The following ZC3HC1 variants were observed in gnomAD, a reference collection of about 807,000 sequenced individuals.
ZC3HC1 encodes the protein zinc finger C3HC-type protein 1.
In ZC3HC1, 38 loss-of-function variants were observed where a neutral mutation model predicts 61.9. That is an observed-to-expected ratio of 0.61 (90% CI 0.47 to 0.81). The LOEUF is 0.81. Ranked by LOEUF, ZC3HC1 falls within the 30% of genes least tolerant of loss-of-function variation. The pLI is 0.00. For missense variants in ZC3HC1, 554 were observed against 622.7 expected (o/e 0.89, Z 1.17); for synonymous variants, 213 against 229.9 (o/e 0.93, Z 0.67).
At position 130,018,691 on chromosome 7, in the gene ZC3HC1, C is replaced by A; in HGVS notation, c.1482G>T (p.Arg494=). The A allele has an allele frequency of 6.2e-7, 1 of 1,612,534 alleles. No homozygotes were observed. The highest frequency in any genetic ancestry group is 8.5e-7 in the Non-Finnish European group (1 of 1,178,774). The change falls in exon 10 of 10, where the codon CGG becomes CGT. Residue 494 remains arginine, a synonymous_variant. Transcript: ENST00000358303. ...AGCATGAGCACAGAGATTCCCACTG[C>A]CGAAATATTCGGAATACTTTCCTTG... ...EKSRKVFRIF[R]QWESLCSC
intron 4 of ZC3HC1, among the ~76,000 whole-genome samples, chr7:130,031,383 G>A (rs933232184): frequency 6.6e-6 from 1 of 150,498 alleles, no homozygotes; most frequent in Non-Finnish European, 1.5e-5. Flanking sequence ...AAAACCAGTA[G>A]CTTAGCAGTC....
intron 2 of ZC3HC1, among the ~76,000 whole-genome samples, chr7:130,044,848 T>C (rs556062916): frequency 6.6e-6 from 1 of 152,318 alleles, no homozygotes; most frequent in South Asian, 2.1e-4. Flanking sequence ...CACTCCTGCA[T>C]AACCTGAATC....
At chr7:130,029,766 A>T (rs1470348404) in intron 4 of ZC3HC1, among the ~76,000 whole-genome samples, 1 of 152,220 alleles carries the variant, frequency 6.6e-6, no homozygotes, top group South Asian at 2.1e-4. Flanking sequence ...GAACAGAGTT[A>T]GTGGAGATGG....
chr7:130,024,219 A>T (rs779198866), intron 7 of ZC3HC1, 44 bp downstream of exon 7: 3 of 1,543,746 alleles, frequency 1.9e-6, no homozygotes, highest in Non-Finnish European at 1.7e-6. Flanking sequence ...ACTTTTGCCA[A>T]GAATGTTGTT....
chr7:130,024,461 T>C lies in ZC3HC1; in HGVS notation c.822A>G (p.Gln274=), dbSNP rs753453058. Residue 274 remains glutamine, a synonymous_variant, in exon 7 of 10, where the codon CAA becomes CAG. Transcript: ENST00000358303. ...SMQLSLITCS[Q]CMRKVGLWGF... ...CCCAGAGCCCCACCTTCCTCATACA[T>C]TGCGAACATGTTATCAGGGAGAGCT... is the stretch of plus-strand genomic sequence containing the variant. 3.7e-6 allele frequency: 6 copies of C among 1,613,968 alleles called. No homozygotes were observed. Among genetic ancestry groups the C allele is most frequent in the East Asian group, 2.2e-5 (1 of 44,872 alleles).
At chr7:130,025,403 C>T (rs1793853826) in intron 6 of ZC3HC1, among the ~76,000 whole-genome samples, 1 of 151,498 alleles carries the variant, frequency 6.6e-6, no homozygotes, top group Non-Finnish European at 1.5e-5. Flanking sequence ...GAAATAGCAA[C>T]ATGGGGGCCT....
chr7:130,030,199 T>C (rs1794113114), intron 4 of ZC3HC1, among the ~76,000 whole-genome samples: 3 of 150,572 alleles, frequency 2.0e-5, no homozygotes, highest in Middle Eastern at 3.4e-3. Context: ...ATCAGCCTTT[T>C]TTTTTTTTTT....
intron 5 of ZC3HC1, 93 bp downstream of exon 5, chr7:130,028,809 G>T: frequency 6.7e-7 from 1 of 1,501,402 alleles, no homozygotes; most frequent in Non-Finnish European, 9.0e-7. Context: ...TCTCTTCACA[G>T]CAATTGCATC....
chr7:130,045,218 T>C, intron 2 of ZC3HC1: 1 of 181,246 alleles, frequency 5.5e-6, no homozygotes, highest in South Asian at 1.1e-4. Flanking sequence ...GGTGGCTTAC[T>C]TTCAAATAGC....
intron 5 of ZC3HC1, chr7:130,026,547 C>A: frequency 2.5e-6 from 1 of 397,222 alleles, no homozygotes; most frequent in Non-Finnish European, 4.5e-6. Context: ...CCTGGAACTG[C>A]CAAAACTCTT....
In ZC3HC1 at chr7:130,049,105, T is replaced by A. The variant is rs758210868; in HGVS notation, c.186A>T (p.Ser62=). The A allele has an allele frequency of 7.5e-6, 12 of 1,608,978 alleles. No homozygotes were observed. Among genetic ancestry groups the A allele is most frequent in the African/African-American group, 1.3e-5 (1 of 74,770 alleles). The change falls in exon 2 of 10, where the codon TCA becomes TCT. Residue 62 remains serine (S), a synonymous_variant. Transcript: ENST00000358303. Reference sequence around the variant, plus strand: ...CCAATGAAGGTTGTTCCGCTTGGGGTGATCCATTAACTGACTGGGATGTGG... The same window carrying A: ...CCAATGAAGGTTGTTCCGCTTGGGGAGATCCATTAACTGACTGGGATGTGG... The part of the protein sequence containing the change: ...TSATSQSVNG[S]PQAEQPSLES...
intron 4 of ZC3HC1, among the ~76,000 whole-genome samples, chr7:130,037,983 G>T (rs1794490501): frequency 6.6e-6 from 1 of 152,106 alleles, no homozygotes; most frequent in Non-Finnish European, 1.5e-5. Context: ...ATAGAGATGA[G>T]GTCTTACTAT....
chr7:130,050,288 A>G (rs952349751), intron 1 of ZC3HC1, among the ~76,000 whole-genome samples: 7 of 152,048 alleles, frequency 4.6e-5, no homozygotes, highest in Non-Finnish European at 1.0e-4. Flanking sequence ...CGTGTTAGCC[A>G]GGATGGTCTT....
rs146220212 is a variant in ZC3HC1 at position 130,049,166 on chromosome 7, G to A, written c.147-22C>T. 1.9e-6 allele frequency: 3 copies of A among 1,563,914 alleles called. No homozygotes were observed. In the African/African-American group the frequency reaches 4.1e-5, roughly 21 times the overall value. ...CTTCCTAATATAAAGTGGCAAAACT[G>A]TTGGTAAACCTTTCACAGTACCCTC... On this transcript the variant is annotated intron_variant, in intron 1 of 9. Transcript: ENST00000358303.
Position 130,041,466 on chromosome 7 carries a change from G to T in ZC3HC1, c.259-365C>A, listed in dbSNP as rs1794668041. Among the ~76,000 whole-genome samples the T allele has an allele frequency of 2.6e-5, 4 of 151,674 alleles. No individual in the cohort carries two copies. In the South Asian group the frequency reaches 8.3e-4, roughly 32 times the overall value. ...GGCCTCCCAAAGTGCTGGAATCACA[G>T]GTGAACACTGCAAGTATATTAAAAT... On this transcript the variant is annotated intron_variant, in intron 2 of 9. Transcript: ENST00000358303.
chr7:130,031,541 T>C (rs1461994858), intron 4 of ZC3HC1, among the ~76,000 whole-genome samples: 1 of 152,156 alleles, frequency 6.6e-6, no homozygotes, highest in Admixed American at 6.6e-5. Flanking sequence ...AAAATGATCA[T>C]TGGCAACTGT....
intron 9 of ZC3HC1, 62 bp from the exon 10 acceptor site, chr7:130,018,794 A>C: frequency 2.8e-6 from 4 of 1,425,380 alleles, no homozygotes; most frequent in Non-Finnish European, 3.9e-6. Flanking sequence ...AGGATAGATC[A>C]TTTGTCCCAC....
At chr7:130,045,155 A>C (rs1794813896) in intron 2 of ZC3HC1, among the ~76,000 whole-genome samples, 1 of 152,208 alleles carries the variant, frequency 6.6e-6, no homozygotes, top group South Asian at 2.1e-4. Flanking sequence ...CTGGTTATGT[A>C]GGACAAAGTC....
At position 130,051,229 on chromosome 7, in the gene ZC3HC1, G is replaced by C. The variant is rs1795062750; in HGVS notation, c.138C>G (p.Gly46=). 6.2e-7 allele frequency: 1 copy of C among 1,606,508 alleles called. No individual in the cohort carries two copies. The highest frequency in any genetic ancestry group is 1.7e-5 in the Admixed American group (1 of 58,444). The change falls in exon 1 of 10, where the codon GGC becomes GGG. Residue 46 remains glycine (G), a synonymous_variant. Transcript: ENST00000358303. ...TTAACTCGTGAACTCACGCGTCCAC[G>C]CCTCCCTCTTCCGGGGCAATCCCCT... is the stretch of plus-strand genomic sequence containing the variant. ...IDEGIAPEEG[G]VDAKDTSATS...
Sources: gnomAD v4.1 joint callset for allele counts (sites outside exome capture counted in the v4.1 genomes callset) on GRCh38, gnomAD v4.1.1 for gene constraint, MANE v1.5 for transcripts, NCBI Gene and HGNC (gene_info 2026-07-23, HGNC 2026-07-21) for gene names.